The following KLHL1 variants were observed in gnomAD, a reference collection of about 807,000 sequenced individuals.
KLHL1 encodes the protein kelch like family member 1.
In KLHL1, 47 loss-of-function variants were observed where a neutral mutation model predicts 77.7. That is an observed-to-expected ratio of 0.60 (90% CI 0.48 to 0.77). The LOEUF (loss-of-function observed/expected upper bound fraction) is 0.77, where lower values mean the gene tolerates loss of function less well. Among genes scored for constraint, KLHL1 ranks in the 30% least tolerant of loss-of-function variants. KLHL1 has a pLI of 0.00. For synonymous variants in KLHL1, 360 were observed against 325.2 expected (o/e 1.11, Z -1.15); for missense variants, 925 against 910.8 (o/e 1.02, Z -0.20).
intron 6 of KLHL1, among the ~76,000 whole-genome samples, chr13:69,827,423 C>T (rs1878589639): frequency 6.6e-6 from 1 of 151,706 alleles, no homozygotes; most frequent in Non-Finnish European, 1.5e-5. Context: ...TTTAGCAGGC[C>T]TTTTAAAAAA....
chr13:69,956,011 A>T (rs1883863719), intron 3 of KLHL1, among the ~76,000 whole-genome samples: 1 of 116,036 alleles, frequency 8.6e-6, no homozygotes, highest in Non-Finnish European at 1.9e-5. Context: ...ATATTTATAT[A>T]TATTTGATAT....
chr13:69,975,111 G>A (rs1359396608), intron 2 of KLHL1, among the ~76,000 whole-genome samples: 1 of 151,750 alleles, frequency 6.6e-6, no homozygotes, highest in Non-Finnish European at 1.5e-5. Context: ...ATGAATTATG[G>A]CTTTAAAAAT....
At chr13:69,952,786 A>G (rs146886868) in intron 3 of KLHL1, among the ~76,000 whole-genome samples, 1,562 of 151,432 alleles carry the variant, frequency 0.01, 26 homozygotes, top group African/African-American at 0.035. Context: ...TAATGGGAAA[A>G]TGGACTCTTC....
chr13:69,924,848 C>T (rs1882762240), intron 4 of KLHL1, among the ~76,000 whole-genome samples: 1 of 152,190 alleles, frequency 6.6e-6, no homozygotes, highest in African/African-American at 2.4e-5. Context: ...CACCATGTTC[C>T]CCAGTGCCAG....
At chr13:70,080,258 T>G (rs2137428887) in intron 1 of KLHL1, among the ~76,000 whole-genome samples, 1 of 152,320 alleles carries the variant, frequency 6.6e-6, no homozygotes, top group South Asian at 2.1e-4. Context: ...TTGGCTCTTT[T>G]TAAAGACACC....
chr13:69,940,792 C>CA (rs374717086), intron 3 of KLHL1, among the ~76,000 whole-genome samples: 968 of 67,552 alleles, frequency 0.014, 3 homozygotes, highest in Middle Eastern at 0.019. Flanking sequence ...ATCTTAAAGG[C>CA]AAAAAAAAAA....
intron 1 of KLHL1, among the ~76,000 whole-genome samples, chr13:70,081,241 C>T (rs1304316806): frequency 6.6e-6 from 1 of 152,156 alleles, no homozygotes; most frequent in Non-Finnish European, 1.5e-5. Flanking sequence ...TAACTTTCTA[C>T]TGTTGTATAG....
intron 1 of KLHL1, among the ~76,000 whole-genome samples, chr13:70,004,141 C>T (rs57875323): frequency 0.12 from 18,495 of 151,736 alleles, 1,960 homozygotes; most frequent in African/African-American, 0.29. Flanking sequence ...TTAACTGATA[C>T]TCTAAACAGA....
intron 1 of KLHL1, among the ~76,000 whole-genome samples, chr13:70,003,641 A>G (rs1469294329): frequency 6.6e-6 from 1 of 151,834 alleles, no homozygotes; most frequent in Non-Finnish European, 1.5e-5. Context: ...CATTGAAACA[A>G]TATTTAATTT....
chr13:70,033,604 C>CT lies in KLHL1; in HGVS notation c.498-57803dup, dbSNP rs71116981. On this transcript the variant is annotated intron_variant, in intron 1 of 10. Coordinates refer to ENST00000377844, the MANE Select transcript of KLHL1 (RefSeq NM_020866.3). ...TACAGGTGTGAGTCACCGCAACTGG[C>CT]TTTTTTTTTTTTTTTTTTTTTTTTT... Among the ~76,000 whole-genome samples, 94 of 47,184 alleles carry CT rather than the reference C, an allele frequency of 2.0e-3. 10 individuals carry two copies. Among genetic ancestry groups the CT allele is most frequent in the East Asian group, 2.9e-3 (4 of 1,396 alleles). The allele number at this position is 47,184 out of a possible 152,430, so 31.0% of individuals were successfully genotyped here.
chr13:69,758,363 A>G (rs1197002424), intron 7 of KLHL1, among the ~76,000 whole-genome samples: 1 of 152,128 alleles, frequency 6.6e-6, no homozygotes, highest in African/African-American at 2.4e-5. Context: ...TAAACCTTTT[A>G]TAAGTTCTTA....
At position 69,791,079 on chromosome 13, in the gene KLHL1, A is replaced by ATAAT. The variant is rs962217153; in HGVS notation, c.1639+5655_1639+5658dup. On this transcript the variant is annotated intron_variant, in intron 7 of 10. Transcript: ENST00000377844. ...CACACACACACATAAAAAAGAAAAA[A>ATAAT]TAATAATAAATACAAAGAAATATAT... Among the ~76,000 whole-genome samples, 135 of 152,226 alleles carry ATAAT rather than the reference A, an allele frequency of 8.9e-4. 1 individual carries two copies. Among genetic ancestry groups the ATAAT allele is most frequent in the African/African-American group, 3.2e-3 (132 of 41,560 alleles).
At chr13:69,794,753 AAAAC>A (rs1877030884) in intron 7 of KLHL1, among the ~76,000 whole-genome samples, 1 of 152,184 alleles carries the variant, frequency 6.6e-6, no homozygotes, top group Non-Finnish European at 1.5e-5. Context: ...AAGAATGTAA[AAAAC>A]AAATTTAATT....
chr13:70,003,258 A>G (rs1335620423), intron 1 of KLHL1, among the ~76,000 whole-genome samples: 1 of 151,746 alleles, frequency 6.6e-6, no homozygotes. Context: ...ACATGATGAA[A>G]ACTTTGATGA....
intron 1 of KLHL1, among the ~76,000 whole-genome samples, chr13:69,976,383 T>A (rs1330274021): frequency 6.6e-6 from 1 of 152,096 alleles, no homozygotes; most frequent in Non-Finnish European, 1.5e-5. Flanking sequence ...TCAGTACTTA[T>A]AATAACTTTA....
At chr13:69,754,012 T>G (rs572965624) in intron 7 of KLHL1, among the ~76,000 whole-genome samples, 11 of 152,002 alleles carry the variant, frequency 7.2e-5, no homozygotes, top group Admixed American at 2.0e-4. Flanking sequence ...AATTTTTTTT[T>G]TTGTTTTTAG....
rs766360091 is a variant in KLHL1 at position 69,719,578 on chromosome 13, C to T, written c.1806G>A (p.Leu602=). The change falls in exon 9 of 11, where the codon TTG becomes TTA. Residue 602 remains leucine (L), a synonymous_variant. Transcript: ENST00000377844. ...TTCCATCACGACCTCCAACTGAATA[C>T]AACCTAAAAACACAATTGGAAAAAT... ...TVGVAALNGK[L]YSVGGRDGSS... is the part of the protein sequence containing the mutation. The T allele has an allele frequency of 5.4e-5, 87 of 1,608,230 alleles. No individual in the cohort carries two copies. The South Asian group carries it at 6.4e-4, about 12-fold the overall frequency.
rs1284524965 is a variant in KLHL1, at chr13:69,950,062, G to T, written c.818-9826C>A. 5.9e-5 allele frequency among the ~76,000 whole-genome samples: 9 copies of T among 151,686 alleles called. No homozygotes were observed. The East Asian group carries it at 1.8e-3, about 30-fold the overall frequency. ...TTAATCTGTAAACCATGTCATACAT[G>T]CCTTCCACCCACAAGAAAGACATGG... is the stretch of plus-strand genomic sequence containing the variant. On this transcript the variant is annotated intron_variant, in intron 3 of 10. Transcript: ENST00000377844.
intron 7 of KLHL1, among the ~76,000 whole-genome samples, chr13:69,790,734 C>A (rs1012633987): frequency 6.6e-6 from 1 of 151,948 alleles, no homozygotes; most frequent in African/African-American, 2.4e-5. Context: ...AAATCCAATA[C>A]CCTTTTCATG....
Sources: allele counts gnomAD v4.1 joint callset (sites outside exome capture counted in the v4.1 genomes callset), GRCh38; gene constraint gnomAD v4.1.1; transcripts MANE v1.5; gene names NCBI Gene and HGNC (gene_info 2026-07-23, HGNC 2026-07-21).